The following TCN2 variants were observed in gnomAD, a reference collection of about 807,000 sequenced individuals.
TCN2 encodes transcobalamin 2.
Under a neutral mutation model 48.6 loss-of-function variants are expected in TCN2, and 34 were observed. The ratio of observed to expected loss-of-function variants is 0.70; its 90% CI spans 0.53 to 0.93. The LOEUF (loss-of-function observed/expected upper bound fraction) is 0.93. Among genes scored for constraint, TCN2 ranks in the 40% least tolerant of loss-of-function variants. The probability of loss-of-function intolerance (pLI) is 0.00; values close to 1 mark genes in which losing one functional copy is unlikely to be tolerated. For synonymous variants in TCN2, 283 were observed against 212.5 expected, an observed-to-expected ratio of 1.33 and a Z score of -2.89; for missense variants, 652 against 526.1, an observed-to-expected ratio of 1.24 and a Z score of -2.34.
rs1237571997 is a variant in TCN2, at chr22:30,617,473, G to T, written c.1084G>T (p.Ala362Ser). Residue 362 changes from alanine (A) to serine (S), a missense_variant, in exon 7 of 9, where the codon GCC becomes TCC. Ala to Ser is a moderately conservative substitution (Grantham distance 99). Coordinates refer to ENST00000215838, the MANE Select transcript of TCN2 (RefSeq NM_000355.4). ...CACCGTGGAAGATGTCCTGAAGAAG[G>T]CCCATGAGTTAGGAGGATTCACGTG... ...GSTVEDVLKK[A>S]HELGGFTYET... 8.1e-6 allele frequency: 13 copies of T among 1,614,158 alleles called. No individual in the cohort carries two copies. The South Asian group carries it at 8.8e-5, about 11-fold the overall frequency.
At position 30,607,474 on chromosome 22, in the gene TCN2, T is replaced by C. The variant is rs561142962; in HGVS notation, c.64+79T>C. The C allele has an allele frequency of 2.5e-4, 381 of 1,506,310 alleles. 1 individual carries two copies. In the African/African-American group the frequency reaches 3.8e-3, roughly 15 times the overall value. The allele number at this position is 1,506,310 out of a possible 1,614,324, so 93.3% of individuals were successfully genotyped here. On this transcript the variant is annotated intron_variant, in intron 1 of 8. Coordinates refer to ENST00000215838, the MANE Select transcript of TCN2 (RefSeq NM_000355.4). The stretch of plus-strand genomic sequence containing the variant: ...TGGCTAGGGCATAGGATGAGGGAAC[T>C]TACCTGCCCTTCTAAGCTCCCATAG...
chr22:30,624,051 C>CATATATATATAT lies in TCN2; in HGVS notation c.1222+969_1222+970insTATATATATATA, dbSNP rs1569047255. On this transcript the variant is annotated intron_variant, in intron 8 of 8. Transcript: ENST00000215838. ...ATATATGTATACATATATACACACA[C>CATATATATATAT]ACACACACACATATATATATATATA... 2.6e-4 allele frequency among the ~76,000 whole-genome samples: 5 copies of CATATATATATAT among 18,870 alleles called. 2 individuals carry two copies. Among genetic ancestry groups the CATATATATATAT allele is most frequent in the Non-Finnish European group, 3.9e-4 (4 of 10,240 alleles). 12.4% of individuals were successfully genotyped at this position (18,870 alleles called of 152,430 possible). A position where few individuals can be genotyped will look rare whatever the true frequency, so the allele number is the denominator to read the frequency against.
Position 30,626,836 on chromosome 22 carries a change from G to T in TCN2, c.*315G>T. The T allele has an allele frequency of 4.2e-6, 2 of 472,574 alleles. No homozygotes were observed. The highest frequency in any genetic ancestry group is 4.4e-5 in the South Asian group (2 of 45,776). The allele number at this position is 472,574 out of a possible 1,614,324, so 29.3% of individuals were successfully genotyped here. A position where few individuals can be genotyped will look rare whatever the true frequency, so the allele number is the denominator to read the frequency against. On this transcript the variant is annotated 3_prime_UTR_variant, in exon 9 of 9. Coordinates refer to ENST00000215838, the MANE Select transcript of TCN2 (RefSeq NM_000355.4). ...CATCTCAGACTCCTTGGCAAAAAAC[G>T]GAGTCCGCAGGCCGCAGGTGTTGTG... is the stretch of plus-strand genomic sequence containing the variant.
At chr22:30,614,255 G>T in intron 3 of TCN2, 94 bp from the exon 4 acceptor site, 1 of 1,517,218 alleles carries the variant, frequency 6.6e-7, no homozygotes, top group South Asian at 1.2e-5. Context: ...CCAAAAGAGC[G>T]TGTTGGAAAG....
At chr22:30,619,969 C>T (rs535479110) in intron 7 of TCN2, among the ~76,000 whole-genome samples, 48 of 152,206 alleles carry the variant, frequency 3.2e-4, no homozygotes, top group Non-Finnish European at 5.9e-4. Context: ...GCCTGGGCAA[C>T]ATAGTGAGAC....
chr22:30,607,506 G>C (rs2087470659), intron 1 of TCN2, 111 bp downstream of exon 1: 1 of 1,157,582 alleles, frequency 8.6e-7, no homozygotes. Context: ...ATAGCAGTTT[G>C]GGCTTAGCTG....
At position 30,624,001 on chromosome 22, in the gene TCN2, T is replaced by C. The variant is rs59516862; in HGVS notation, c.1222+918T>C. Among the ~76,000 whole-genome samples, 131 of 35,514 alleles carry C rather than the reference T, an allele frequency of 3.7e-3. 34 individuals carry two copies. The highest frequency in any genetic ancestry group is 5.0e-3 in the Non-Finnish European group (96 of 19,158). The allele number at this position is 35,514 out of a possible 152,430, so 23.3% of individuals were successfully genotyped here. A position where few individuals can be genotyped will look rare whatever the true frequency, so the allele number is the denominator to read the frequency against. On this transcript the variant is annotated intron_variant, in intron 8 of 8. Coordinates refer to ENST00000215838, the MANE Select transcript of TCN2 (RefSeq NM_000355.4). ...ATATGTATACATATATACACACATA[T>C]ATATGTATACATATATACACACATA...
At chr22:30,615,219 C>T in intron 4 of TCN2, 82 bp from the exon 5 acceptor site, 5 of 1,491,888 alleles carry the variant, frequency 3.4e-6, no homozygotes, top group South Asian at 1.1e-5. Flanking sequence ...TCCATAGCTA[C>T]AAGGGCCTGA....
chr22:30,620,288 C>A (rs182966057), intron 7 of TCN2, among the ~76,000 whole-genome samples: 20 of 152,278 alleles, frequency 1.3e-4, no homozygotes, highest in African/African-American at 3.4e-4. Context: ...CCCGTCTCTA[C>A]CACACACAAA....
chr22:30,623,370 G>C (rs1959632885), intron 8 of TCN2: 1 of 340,540 alleles, frequency 2.9e-6, no homozygotes, highest in African/African-American at 2.2e-5. Flanking sequence ...CTTTTATTTT[G>C]AGATGGAGTT....
At chr22:30,608,466 C>A (rs1223021322) in intron 1 of TCN2, among the ~76,000 whole-genome samples, 1 of 152,254 alleles carries the variant, frequency 6.6e-6, no homozygotes, top group Non-Finnish European at 1.5e-5. Flanking sequence ...TGGCTCACTG[C>A]AGCCTCTGCC....
chr22:30,611,473 A>G (rs2087540232), intron 2 of TCN2, among the ~76,000 whole-genome samples: 1 of 152,210 alleles, frequency 6.6e-6, no homozygotes. Context: ...GGCAGACATC[A>G]GTAATCCATG....
Position 30,614,410 on chromosome 22 carries a change from C to G in TCN2, c.489C>G (p.Ala163=), listed in dbSNP as rs766585202. Residue 163 remains alanine (A), a synonymous_variant, in exon 4 of 9, where the codon GCC becomes GCG. Coordinates refer to ENST00000215838, the MANE Select transcript of TCN2 (RefSeq NM_000355.4). The part of the protein sequence containing the change: ...SYYQYGLGIL[A]LCLHQKRVHD... Reference sequence around the variant, plus strand: ...ACCAGTATGGCCTGGGCATTCTGGCCCTGTGTCTCCACCAGAAGCGGGTCC... The same window carrying G: ...ACCAGTATGGCCTGGGCATTCTGGCGCTGTGTCTCCACCAGAAGCGGGTCC... The G allele has an allele frequency of 5.6e-6, 9 of 1,614,114 alleles. No homozygotes were observed. The highest frequency in any genetic ancestry group is 7.6e-6 in the Non-Finnish European group (9 of 1,180,008).
In TCN2 at chr22:30,614,513, A is replaced by G; in HGVS notation, c.580+12A>G. The G allele has an allele frequency of 6.2e-7, 1 of 1,614,060 alleles. No individual in the cohort carries two copies. Among genetic ancestry groups the G allele is most frequent in the Non-Finnish European group, 8.5e-7 (1 of 1,180,012 alleles). The stretch of plus-strand genomic sequence containing the variant: ...CCACCATTCTGTGGGTGAGTAGGTC[A>G]GACCGTGCCAAGGCCAGGCTGGCAC... On this transcript the variant is annotated intron_variant, in intron 4 of 8. Coordinates refer to ENST00000215838, the MANE Select transcript of TCN2 (RefSeq NM_000355.4).
rs1030276303 is a variant in TCN2, at chr22:30,627,038, G to C, written c.*517G>C. ...AGTGCCTGCCTCTGACAAAATTAAA[G>C]CATTGATGGCCTGTGGACCTGCTAC... On this transcript the variant is annotated 3_prime_UTR_variant, in exon 9 of 9. Coordinates refer to ENST00000215838, the MANE Select transcript of TCN2 (RefSeq NM_000355.4). The C allele has an allele frequency of 5.2e-6, 1 of 192,496 alleles. No homozygotes were observed. Among genetic ancestry groups the C allele is most frequent in the African/African-American group, 2.3e-5 (1 of 43,164 alleles). The allele number at this position is 192,496 out of a possible 1,614,324, so 11.9% of individuals were successfully genotyped here.
At chr22:30,608,879 C>T (rs1300434324) in intron 1 of TCN2, among the ~76,000 whole-genome samples, 1 of 152,174 alleles carries the variant, frequency 6.6e-6, no homozygotes, top group East Asian at 1.9e-4. Context: ...CCTGACCCCA[C>T]AGGAGCCCCA....
intron 4 of TCN2, among the ~76,000 whole-genome samples, chr22:30,614,754 AAAAAGTTAGCCGGGC>A (rs1348656031): frequency 3.3e-5 from 5 of 152,038 alleles, no homozygotes; most frequent in Non-Finnish European, 5.9e-5. Context: ...ACTAAAAATA[AAAAAGTTAGCCGGGC>A]ATGGTGGCAC....
intron 2 of TCN2, among the ~76,000 whole-genome samples, chr22:30,612,504 C>T (rs528795365): frequency 1.2e-3 from 183 of 151,474 alleles, no homozygotes; most frequent in African/African-American, 3.8e-3. Flanking sequence ...GAGCTGAGAA[C>T]ATGCCACTGC....
At position 30,615,677 on chromosome 22, in the gene TCN2, G is replaced by C. The variant is rs550053635; in HGVS notation, c.830G>C (p.Ser277Thr). 1.2e-6 allele frequency: 2 copies of C among 1,614,130 alleles called. No homozygotes were observed. The highest frequency in any genetic ancestry group is 1.3e-5 in the African/African-American group (1 of 74,938). The part of the protein sequence containing the change: ...CLKARVALLA[S>T]LQDGAFQNAL... ...AAGGCGAGGGTTGCTTTGCTGGCCAGTCTGCAGGATGGAGCCTTCCAGAAT... is the reference window on the plus strand; with the variant it reads ...AAGGCGAGGGTTGCTTTGCTGGCCACTCTGCAGGATGGAGCCTTCCAGAAT... The change falls in exon 6 of 9, where the codon AGT becomes ACT. Residue 277 changes from serine (S) to threonine (T), a missense_variant. Transcript: ENST00000215838.
Sources: gnomAD v4.1 joint callset for allele counts (sites outside exome capture counted in the v4.1 genomes callset) on GRCh38, gnomAD v4.1.1 for gene constraint, MANE v1.5 for transcripts, NCBI Gene and HGNC (gene_info 2026-07-23, HGNC 2026-07-21) for gene names.